Variants in ABCB5 observed in about 807,000 individuals in gnomAD.
ABCB5 encodes the protein ATP binding cassette subfamily B member 5, also known as ATP-binding cassette sub-family B member 5.
ABCB5 carries 155 observed loss-of-function variants against 144.2 expected under a neutral mutation model. The ratio of observed to expected loss-of-function variants is 1.08; its 90% CI spans 0.94 to 1.23. The LOEUF (loss-of-function observed/expected upper bound fraction) is 1.23. Ranked by LOEUF, ABCB5 falls within the 50% of genes most tolerant of loss-of-function variation. ABCB5 has a pLI of 0.00. For synonymous variants in ABCB5, 610 were observed against 528.6 expected (o/e 1.15, Z -2.11); for missense variants, 1,830 against 1,520.8 (o/e 1.20, Z -3.38).
intron 26 of ABCB5, among the ~76,000 whole-genome samples, chr7:20,748,141 T>C (rs1486242449): frequency 6.6e-6 from 1 of 152,176 alleles, no homozygotes; most frequent in African/African-American, 2.4e-5. Context: ...CGGAAAGGGT[T>C]CGTAACCATG....
rs775759271 is a variant in ABCB5, at chr7:20,643,609, G to A, written c.655G>A (p.Ala219Thr). 4 of 1,613,902 alleles carry A rather than the reference G, an allele frequency of 2.5e-6. No individual in the cohort carries two copies. In the East Asian group the frequency reaches 6.7e-5, roughly 27 times the overall value. Residue 219 changes from alanine to threonine, a missense_variant, in exon 7 of 28, where the codon GCT (alanine) becomes ACT (threonine). By Grantham distance (58) the Ala-to-Thr change is moderately conservative. Transcript: ENST00000404938. ...VTLSTSPLIMASAAACSRMVI... is the reference protein window; with the variant it reads ...VTLSTSPLIMTSAAACSRMVI... ...TCTATCCACGTCTCCTCTTATAATG[G>A]CTTCAGCGGCAGCATGTTCTAGGGT...
intron 1 of ABCB5, among the ~76,000 whole-genome samples, chr7:20,620,179 A>G (rs2128015803): frequency 6.6e-6 from 1 of 152,300 alleles, no homozygotes; most frequent in African/African-American, 2.4e-5. Context: ...AGTCTATTTA[A>G]CAAGTAAAAC....
At chr7:20,717,072 C>A (rs779644476) in intron 20 of ABCB5, among the ~76,000 whole-genome samples, 28 of 152,084 alleles carry the variant, frequency 1.8e-4, no homozygotes, top group Non-Finnish European at 3.5e-4. Context: ...TGACCCCGCA[C>A]CAGGAGCATT....
chr7:20,616,431 G>A (rs7809674), intron 1 of ABCB5, among the ~76,000 whole-genome samples: 51,210 of 152,108 alleles, frequency 0.34, 8,730 homozygotes, highest in African/African-American at 0.39. Flanking sequence ...ATGCTTGAAC[G>A]TTAAGTGCAT....
chr7:20,650,208 G>C lies in ABCB5; in HGVS notation c.1332+61G>C, dbSNP rs928822650. ...TAATGGAATCTGGAAACACCGCAGG[G>C]CTGGCAGCTCTGTAACTTTTCATTT... On this transcript the variant is annotated intron_variant, in intron 12 of 27. Transcript: ENST00000404938. The C allele has an allele frequency of 1.9e-6, 3 of 1,576,516 alleles. No individual in the cohort carries two copies. The African/African-American group carries it at 4.1e-5, about 21-fold the overall frequency.
intron 26 of ABCB5, among the ~76,000 whole-genome samples, chr7:20,752,545 G>A (rs1435698766): frequency 8.5e-5 from 13 of 152,172 alleles, no homozygotes; most frequent in Middle Eastern, 3.2e-3. Flanking sequence ...AAGGTGAATA[G>A]ACTGTTTCAA....
chr7:20,717,308 A>T (rs1255336596), intron 20 of ABCB5, among the ~76,000 whole-genome samples: 2 of 152,124 alleles, frequency 1.3e-5, no homozygotes, highest in African/African-American at 4.8e-5. Flanking sequence ...TGGAAGCTAG[A>T]AGCCCAAGAA....
chr7:20,711,852 TCTTTCTTTCCTTCCTC>T lies in ABCB5; in HGVS notation c.2421+7047_2421+7062del, dbSNP rs1416342296. Reference sequence around the variant, plus strand: ...TCTTTCTTTCTTTCTTTCTTTTCTTTCTTTCTTTCCTTCCTCCCTCCCTCCCTCCCTCCCTCCCTCC... The same window carrying T: ...TCTTTCTTTCTTTCTTTCTTTTCTTTCCTCCCTCCCTCCCTCCCTCCCTCC... On this transcript the variant is annotated intron_variant, in intron 20 of 27. Coordinates refer to ENST00000404938, the MANE Select transcript of ABCB5 (RefSeq NM_001163941.2). Among the ~76,000 whole-genome samples, 231 of 76,822 alleles carry T rather than the reference TCTTTCTTTCCTTCCTC, an allele frequency of 3.0e-3. 4 individuals carry two copies. Among genetic ancestry groups the T allele is most frequent in the East Asian group, 0.011 (8 of 700 alleles). 50.4% of individuals were successfully genotyped at this position (76,822 alleles called of 152,430 possible).
intron 5 of ABCB5, among the ~76,000 whole-genome samples, chr7:20,636,363 T>TATGACATATGAA (rs1784154996): frequency 6.6e-6 from 1 of 152,058 alleles, no homozygotes; most frequent in African/African-American, 2.4e-5. Flanking sequence ...AAAGGGACAA[T>TATGACATATGAA]AAGATGAAAA....
At chr7:20,661,788 C>T (rs1271706284) in intron 14 of ABCB5, among the ~76,000 whole-genome samples, 1 of 152,092 alleles carries the variant, frequency 6.6e-6, no homozygotes, top group Non-Finnish European at 1.5e-5. Flanking sequence ...CTGCCCTAGC[C>T]TCCCAAAGTG....
At chr7:20,724,020 G>T (rs1375429162) in intron 21 of ABCB5, among the ~76,000 whole-genome samples, 1 of 152,074 alleles carries the variant, frequency 6.6e-6, no homozygotes, top group East Asian at 1.9e-4. Context: ...GACATCATCT[G>T]ACCCAACCAT....
At chr7:20,752,570 C>G (rs1346164094) in intron 26 of ABCB5, among the ~76,000 whole-genome samples, 1 of 152,188 alleles carries the variant, frequency 6.6e-6, no homozygotes, top group Non-Finnish European at 1.5e-5. Flanking sequence ...CCAACCTGGC[C>G]AGGCGCGGTA....
At chr7:20,748,303 A>G (rs1782792986) in intron 26 of ABCB5, among the ~76,000 whole-genome samples, 1 of 152,122 alleles carries the variant, frequency 6.6e-6, no homozygotes, top group South Asian at 2.1e-4. Flanking sequence ...GTAGGTTTTT[A>G]GGGAAGAAAA....
At chr7:20,631,119 C>A (rs1165876958) in intron 4 of ABCB5, among the ~76,000 whole-genome samples, 4 of 152,012 alleles carry the variant, frequency 2.6e-5, no homozygotes, top group Non-Finnish European at 5.9e-5. Context: ...TTGTGTGAGT[C>A]CTGAACTTTC....
chr7:20,681,379 G>C, intron 14 of ABCB5, 126 bp from the exon 15 acceptor site: 1 of 1,021,504 alleles, frequency 9.8e-7, no homozygotes, highest in African/African-American at 1.6e-5. Context: ...CACCCTCCTC[G>C]GCCTCCCAAA....
At position 20,728,449 on chromosome 7, in the gene ABCB5, T is replaced by G; in HGVS notation, c.2861T>G (p.Met954Arg). 1 of 1,614,048 alleles carries G rather than the reference T, an allele frequency of 6.2e-7. No individual in the cohort carries two copies. Residue 954 changes from methionine (M) to arginine (R), a missense_variant, in exon 23 of 28, where the codon ATG becomes AGG. Transcript: ENST00000404938. ...IQAGRMTPEG[M>R]FIVFTAIAYG... is the part of the protein sequence containing the mutation. ...GCTGGACGAATGACCCCAGAGGGCATGTTCATGTAAGTCGTGGAAATAGTC... is the reference window on the plus strand; with the variant it reads ...GCTGGACGAATGACCCCAGAGGGCAGGTTCATGTAAGTCGTGGAAATAGTC...
intron 14 of ABCB5, among the ~76,000 whole-genome samples, chr7:20,665,768 G>GATAGAGATACATAC (rs1562549609): frequency 1.7e-3 from 216 of 125,462 alleles, no homozygotes; most frequent in Middle Eastern, 7.8e-3. Flanking sequence ...GATAGATAGA[G>GATAGAGATACATAC]ATACATACAT....
At chr7:20,662,853 G>A (rs941006009) in intron 14 of ABCB5, among the ~76,000 whole-genome samples, 2 of 152,008 alleles carry the variant, frequency 1.3e-5, no homozygotes, top group African/African-American at 2.4e-5. Context: ...ACTCTTTAGA[G>A]AAGTATACAA....
At chr7:20,667,468 G>C in intron 14 of ABCB5, 1 of 984,600 alleles carries the variant, frequency 1.0e-6, no homozygotes. Flanking sequence ...TTAATTGTTT[G>C]ACTTTATATT....
Sources: gnomAD v4.1 joint callset for allele counts (sites outside exome capture counted in the v4.1 genomes callset) on GRCh38, gnomAD v4.1.1 for gene constraint, MANE v1.5 for transcripts, NCBI Gene and HGNC (gene_info 2026-07-23, HGNC 2026-07-21) for gene names.